Variants in GSK3B observed in about 807,000 individuals in gnomAD.
GSK3B encodes the protein glycogen synthase kinase-3 beta.
In GSK3B, 15 loss-of-function variants were observed where a neutral mutation model predicts 56.4. The observed-to-expected ratio is 0.27, with a 90% CI of 0.18 to 0.41. GSK3B has a LOEUF of 0.41. Among genes scored for constraint, GSK3B ranks in the 10% least tolerant of loss-of-function variants. The pLI is 1.00. For missense variants in GSK3B, 300 were observed against 513.4 expected (o/e 0.58, Z 4.02); for synonymous variants, 181 against 188.9 (o/e 0.96, Z 0.34).
At chr3:119,951,377 G>A (rs745782602) in intron 2 of GSK3B, among the ~76,000 whole-genome samples, 1 of 152,202 alleles carries the variant, frequency 6.6e-6, no homozygotes, top group Non-Finnish European at 1.5e-5. Flanking sequence ...TTCAAGACCA[G>A]CCTGACCAGC....
chr3:119,941,571 T>C (rs1301466950), intron 3 of GSK3B, among the ~76,000 whole-genome samples: 3 of 152,204 alleles, frequency 2.0e-5, no homozygotes, highest in Non-Finnish European at 4.4e-5. Flanking sequence ...TAAAACTCAT[T>C]CTTTAATTGG....
At chr3:119,889,428 G>A (rs191525826) in intron 7 of GSK3B, among the ~76,000 whole-genome samples, 2 of 152,192 alleles carry the variant, frequency 1.3e-5, no homozygotes, top group African/African-American at 4.8e-5. Flanking sequence ...GAACAGGAAG[G>A]GGAATGGAAA....
chr3:119,918,791 C>G (rs940126657), intron 4 of GSK3B, among the ~76,000 whole-genome samples: 2 of 152,110 alleles, frequency 1.3e-5, no homozygotes, highest in Non-Finnish European at 2.9e-5. Context: ...AAAACAATTA[C>G]TATGCTTCAG....
chr3:119,952,380 C>A (rs142892355), intron 2 of GSK3B, among the ~76,000 whole-genome samples: 2 of 150,808 alleles, frequency 1.3e-5, no homozygotes, highest in African/African-American at 4.9e-5. Flanking sequence ...CCCAGCGACT[C>A]GGGAGGCGGA....
intron 1 of GSK3B, among the ~76,000 whole-genome samples, chr3:120,024,195 G>T (rs2057904045): frequency 1.3e-5 from 2 of 151,928 alleles, no homozygotes; most frequent in African/African-American, 4.8e-5. Flanking sequence ...AATTAGCCAG[G>T]CACGGTGGCA....
intron 1 of GSK3B, among the ~76,000 whole-genome samples, chr3:120,078,740 A>C (rs1376629337): frequency 6.7e-6 from 1 of 148,818 alleles, no homozygotes; most frequent in Non-Finnish European, 1.5e-5. Context: ...TTTAGTAGAG[A>C]CAGGGTTTCT....
chr3:119,978,451 A>T (rs1358185274), intron 2 of GSK3B, among the ~76,000 whole-genome samples: 2 of 152,140 alleles, frequency 1.3e-5, no homozygotes, highest in Non-Finnish European at 2.9e-5. Flanking sequence ...TCTAAAATAA[A>T]CCTGTCTTTA....
At chr3:119,896,910 G>A (rs1349157981) in intron 7 of GSK3B, among the ~76,000 whole-genome samples, 2 of 152,012 alleles carry the variant, frequency 1.3e-5, no homozygotes, top group Non-Finnish European at 2.9e-5. Context: ...AACTCAAAAG[G>A]CAACCCTGCA....
chr3:120,001,508 A>G (rs192204341), intron 2 of GSK3B, among the ~76,000 whole-genome samples: 1 of 152,228 alleles, frequency 6.6e-6, no homozygotes. Context: ...AATTACTAGA[A>G]GCAGATGTCT....
intron 2 of GSK3B, among the ~76,000 whole-genome samples, chr3:119,960,250 G>T (rs1441326145): frequency 6.6e-6 from 1 of 151,308 alleles, no homozygotes; most frequent in Non-Finnish European, 1.5e-5. Context: ...TTTGGAAATG[G>T]TAAACAGATT....
At chr3:119,950,864 CTCAA>C (rs2057150434) in intron 2 of GSK3B, among the ~76,000 whole-genome samples, 1 of 152,212 alleles carries the variant, frequency 6.6e-6, no homozygotes, top group Non-Finnish European at 1.5e-5. Flanking sequence ...AACCACCCAA[CTCAA>C]TCAGTGAGGC....
At chr3:119,991,515 A>T (rs1050491197) in intron 2 of GSK3B, among the ~76,000 whole-genome samples, 14 of 150,666 alleles carry the variant, frequency 9.3e-5, no homozygotes, top group African/African-American at 3.4e-4. Context: ...TTCACCAAAA[A>T]AAAAAAAAAA....
chr3:119,921,477 C>T (rs2056838839), intron 4 of GSK3B, among the ~76,000 whole-genome samples: 1 of 152,128 alleles, frequency 6.6e-6, no homozygotes, highest in Non-Finnish European at 1.5e-5. Context: ...GGTCCTGACT[C>T]CTACCAAAAA....
chr3:120,054,830 T>C (rs542285404), intron 1 of GSK3B, among the ~76,000 whole-genome samples: 1 of 152,278 alleles, frequency 6.6e-6, no homozygotes, highest in African/African-American at 2.4e-5. Context: ...AATAACACAG[T>C]GTCTTTGAAA....
At chr3:119,950,752 A>AC (rs1293202916) in intron 2 of GSK3B, among the ~76,000 whole-genome samples, 5 of 152,222 alleles carry the variant, frequency 3.3e-5, no homozygotes, top group African/African-American at 1.2e-4. Flanking sequence ...GAGCAAAGGC[A>AC]ACAACAAATT....
chr3:120,018,801 T>C (rs1478450336), intron 1 of GSK3B, among the ~76,000 whole-genome samples: 3 of 152,150 alleles, frequency 2.0e-5, no homozygotes, highest in Admixed American at 1.3e-4. Context: ...ACAAATCATC[T>C]AAAACGAGTA....
chr3:119,960,151 CAAAAAAAAAAA>C lies in GSK3B; in HGVS notation c.283-12811_283-12801del, dbSNP rs574956694. Among the ~76,000 whole-genome samples the C allele has an allele frequency of 8.0e-5, 6 of 74,648 alleles. No homozygotes were observed. The East Asian group carries it at 2.8e-3, about 35-fold the overall frequency. 49.0% of individuals were successfully genotyped at this position (74,648 alleles called of 152,430 possible). A position where few individuals can be genotyped will look rare whatever the true frequency, so the allele number is the denominator to read the frequency against. On this transcript the variant is annotated intron_variant, in intron 2 of 10. Coordinates refer to ENST00000264235, the MANE Select transcript of GSK3B (RefSeq NM_001146156.2). Reference sequence around the variant, plus strand: ...GCATCCCCAGAAACCTATGCTGAGACAAAAAAAAAAAAAAAAAAAAAAAGCTAGCCCAAAAG... The same window carrying C: ...GCATCCCCAGAAACCTATGCTGAGACAAAAAAAAAAAAGCTAGCCCAAAAG...
In GSK3B at chr3:120,093,216, C is replaced by A. The variant is rs2058529130; in HGVS notation, c.88+131G>T. 3 of 621,054 alleles carry A rather than the reference C, an allele frequency of 4.8e-6. No individual in the cohort carries two copies. In the African/African-American group the frequency reaches 5.4e-5, roughly 11 times the overall value. 38.5% of individuals were successfully genotyped at this position (621,054 alleles called of 1,614,324 possible). ...AAAAAGGGAGCTGCTTCATCCTTGA[C>A]TGAAGATAGGTTTTGCCCTTTTCCA... On this transcript the variant is annotated intron_variant, in intron 1 of 10. Transcript: ENST00000264235.
intron 8 of GSK3B, among the ~76,000 whole-genome samples, chr3:119,868,704 C>G (rs1242887862): frequency 6.6e-6 from 1 of 152,152 alleles, no homozygotes; most frequent in Non-Finnish European, 1.5e-5. Flanking sequence ...CATGTCTGTT[C>G]CAAATAGCTA....
Sources: allele counts gnomAD v4.1 joint callset (sites outside exome capture counted in the v4.1 genomes callset), GRCh38; gene constraint gnomAD v4.1.1; transcripts MANE v1.5; gene names NCBI Gene and HGNC (gene_info 2026-07-23, HGNC 2026-07-21).